Variants in KTN1 observed in about 807,000 individuals in gnomAD.
KTN1 encodes kinectin 1, also known as kinectin.
In KTN1, 130 loss-of-function variants were observed where a neutral mutation model predicts 222.5. That is an observed-to-expected ratio of 0.58 (90% CI 0.51 to 0.68). The LOEUF is 0.68. KTN1 is among the 30% of genes least tolerant of loss of function. KTN1 has a pLI of 0.00. For missense variants in KTN1, 1,508 were observed against 1,500.4 expected (o/e 1.01, Z -0.08); for synonymous variants, 512 against 496.3 (o/e 1.03, Z -0.42).
At chr14:55,658,674 G>A in intron 30 of KTN1, 60 bp downstream of exon 30, 2 of 942,942 alleles carry the variant, frequency 2.1e-6, no homozygotes, top group East Asian at 5.0e-5. Flanking sequence ...TATAACCAGT[G>A]ACATATGAGT....
chr14:55,634,969 T>G (rs976124255), intron 9 of KTN1, among the ~76,000 whole-genome samples: 2 of 152,156 alleles, frequency 1.3e-5, no homozygotes, highest in Non-Finnish European at 2.9e-5. Flanking sequence ...GGGGAAACCA[T>G]GCCTATGATT....
At chr14:55,629,710 AG>A (rs1411207271) in intron 6 of KTN1, among the ~76,000 whole-genome samples, 1 of 152,212 alleles carries the variant, frequency 6.6e-6, no homozygotes, top group Non-Finnish European at 1.5e-5. Flanking sequence ...TAAACTAGAA[AG>A]TGCATTTGAA....
Position 55,648,750 on chromosome 14 carries a change from C to T in KTN1, c.2299-52C>T, listed in dbSNP as rs1396942635. ...AGAAACTAATGTATTTTGAAGCTAG[C>T]TATATTTTTCAGAGAGTAAAATCAT... is the stretch of plus-strand genomic sequence containing the variant. On this transcript the variant is annotated intron_variant, in intron 20 of 43. Transcript: ENST00000395314. 6 of 1,166,122 alleles carry T rather than the reference C, an allele frequency of 5.1e-6. No homozygotes were observed. The Admixed American group carries it at 7.2e-5, about 14-fold the overall frequency. 72.2% of individuals were successfully genotyped at this position (1,166,122 alleles called of 1,614,324 possible).
Position 55,611,789 on chromosome 14 carries a change from G to C in KTN1, c.-30-230G>C, listed in dbSNP as rs187870013. Among the ~76,000 whole-genome samples, 6 of 152,248 alleles carry C rather than the reference G, an allele frequency of 3.9e-5. No homozygotes were observed. In the East Asian group the frequency reaches 1.2e-3, roughly 29 times the overall value. On this transcript the variant is annotated intron_variant, in intron 1 of 43. Coordinates refer to ENST00000395314, the MANE Select transcript of KTN1 (RefSeq NM_001079521.2). ...GATATTTTCACATGATTTAGAAATG[G>C]AAGGATGTTTTCTACTCCTTCTAGT...
intron 28 of KTN1, among the ~76,000 whole-genome samples, chr14:55,655,577 CA>C (rs2043386378): frequency 6.6e-6 from 1 of 152,042 alleles, no homozygotes; most frequent in South Asian, 2.1e-4. Context: ...TTAGGATGAC[CA>C]GGGCAATTGA....
At chr14:55,613,601 C>G (rs2037920288) in intron 2 of KTN1, among the ~76,000 whole-genome samples, 1 of 141,494 alleles carries the variant, frequency 7.1e-6, no homozygotes, top group Admixed American at 7.3e-5. Flanking sequence ...TCAAGTGATT[C>G]TCCTGCCTCA....
chr14:55,650,714 A>T, intron 24 of KTN1, 77 bp downstream of exon 24: 1 of 1,143,116 alleles, frequency 8.7e-7, no homozygotes, highest in Non-Finnish European at 1.3e-6. Flanking sequence ...TTTTCTTGTT[A>T]CTCAGAAAAA....
At chr14:55,638,117 G>A (rs1168907060) in intron 12 of KTN1, among the ~76,000 whole-genome samples, 13 of 151,910 alleles carry the variant, frequency 8.6e-5, no homozygotes, top group African/African-American at 2.4e-5. Flanking sequence ...CACAAAACAA[G>A]GAGAGAGAAT....
intron 5 of KTN1, among the ~76,000 whole-genome samples, chr14:55,622,171 T>C (rs2039238223): frequency 6.6e-6 from 1 of 152,126 alleles, no homozygotes; most frequent in South Asian, 2.1e-4. Flanking sequence ...TTTAAAGTCA[T>C]TTGGCCCTTG....
chr14:55,639,278 G>A (rs1042777223), intron 13 of KTN1, 56 bp downstream of exon 13: 1 of 1,196,066 alleles, frequency 8.4e-7, no homozygotes, highest in East Asian at 2.4e-5. Flanking sequence ...ACTGATACTT[G>A]TTAGATGCGA....
At chr14:55,629,922 TAAC>T (rs1566748885) in intron 6 of KTN1, 32 bp from the exon 7 acceptor site, 7 of 1,375,662 alleles carry the variant, frequency 5.1e-6, no homozygotes, top group South Asian at 4.9e-5. Context: ...ACTTATTAAA[TAAC>T]AAGTTTTTAA....
At chr14:55,656,235 T>TA in intron 29 of KTN1, 103 bp downstream of exon 29, 1 of 728,662 alleles carries the variant, frequency 1.4e-6, no homozygotes, top group East Asian at 2.7e-5. Flanking sequence ...AGAATGAGTC[T>TA]CCCTCCCACC....
At position 55,604,143 on chromosome 14, in the gene KTN1, C is replaced by T. The variant is rs1217984159; in HGVS notation, c.-30-7876C>T. Among the ~76,000 whole-genome samples, 4 of 152,112 alleles carry T rather than the reference C, an allele frequency of 2.6e-5. No homozygotes were observed. In the East Asian group the frequency reaches 7.7e-4, roughly 29 times the overall value. On this transcript the variant is annotated intron_variant, in intron 1 of 43. Coordinates refer to ENST00000395314, the MANE Select transcript of KTN1 (RefSeq NM_001079521.2). ...GTAAGAAACTACATGAATTGTTAACCACATCCCCTCTCCCTTTCAAATTCT... is the reference window on the plus strand; with the variant it reads ...GTAAGAAACTACATGAATTGTTAACTACATCCCCTCTCCCTTTCAAATTCT...
chr14:55,589,256 GA>G (rs2033632548), intron 1 of KTN1, among the ~76,000 whole-genome samples: 1 of 152,148 alleles, frequency 6.6e-6, no homozygotes, highest in Non-Finnish European at 1.5e-5. Context: ...CATTTAAGCA[GA>G]AAGTCCTGGC....
rs1385495949 is a variant in KTN1 at position 55,612,356 on chromosome 14, A to G, written c.308A>G (p.Asn103Ser). The change falls in exon 2 of 44, where the codon AAT becomes AGT. Residue 103 changes from asparagine to serine, a missense_variant. Coordinates refer to ENST00000395314, the MANE Select transcript of KTN1 (RefSeq NM_001079521.2). ...EDDQVAPVPLNVVETSSSVRE... is the reference protein window; with the variant it reads ...EDDQVAPVPLSVVETSSSVRE... ...GATCAAGTTGCACCTGTTCCATTGAATGTCGTTGAAACTTCAAGTAGTGTT... is the reference window on the plus strand; with the variant it reads ...GATCAAGTTGCACCTGTTCCATTGAGTGTCGTTGAAACTTCAAGTAGTGTT... 6.2e-7 allele frequency: 1 copy of G among 1,614,156 alleles called. No homozygotes were observed. The highest frequency in any genetic ancestry group is 8.5e-7 in the Non-Finnish European group (1 of 1,179,988).
chr14:55,630,869 CA>C (rs2040425126), intron 7 of KTN1, among the ~76,000 whole-genome samples: 2 of 152,188 alleles, frequency 1.3e-5, no homozygotes, highest in South Asian at 4.1e-4. Context: ...TAGATGTTGA[CA>C]ATGAGAGAAT....
chr14:55,610,153 C>T (rs1481702134), intron 1 of KTN1, among the ~76,000 whole-genome samples: 1 of 152,118 alleles, frequency 6.6e-6, no homozygotes, highest in African/African-American at 2.4e-5. Context: ...TTACTTCAGT[C>T]ATATAGATTA....
intron 2 of KTN1, among the ~76,000 whole-genome samples, chr14:55,614,926 T>C (rs750019241): frequency 6.6e-6 from 1 of 152,192 alleles, no homozygotes; most frequent in Non-Finnish European, 1.5e-5. Context: ...TGGGGCCATC[T>C]ACGTAGAGCA....
At chr14:55,631,644 A>T (rs962943263) in intron 7 of KTN1, among the ~76,000 whole-genome samples, 11 of 151,972 alleles carry the variant, frequency 7.2e-5, no homozygotes, top group Non-Finnish European at 1.6e-4. Context: ...TTTGCCAGGC[A>T]TGGTGGCATG....
Sources: allele counts gnomAD v4.1 joint callset (sites outside exome capture counted in the v4.1 genomes callset), GRCh38; gene constraint gnomAD v4.1.1; transcripts MANE v1.5; gene names NCBI Gene and HGNC (gene_info 2026-07-23, HGNC 2026-07-21).